SMARCA4: variants seen among roughly 807,000 people sequenced by gnomAD.
SMARCA4 encodes the protein SWI/SNF related BAF chromatin remodeling complex subunit ATPase 4, also known as SWI/SNF-related matrix-associated actin-dependent regulator of chromatin subfamily A member 4.
A neutral mutation model predicts 193.9 loss-of-function variants in SMARCA4; 31 were observed. The ratio of observed to expected loss-of-function variants is 0.16; its 90% confidence interval spans 0.12 to 0.22. The LOEUF is 0.22. Ranked by LOEUF, SMARCA4 falls within the 10% of genes least tolerant of loss-of-function variation. SMARCA4 has a pLI of 1.00. For missense variants in SMARCA4, 1,148 were observed against 2,296.0 expected (o/e 0.50, Z 10.22); for synonymous variants, 942 against 933.1 (o/e 1.01, Z -0.17).
intron 6 of SMARCA4, 64 bp from the exon 7 acceptor site, chr19:10,989,253 T>C: frequency 6.2e-7 from 1 of 1,606,018 alleles, no homozygotes; most frequent in Non-Finnish European, 8.5e-7. Context: ...CCCCTGCAGC[T>C]CCAGCTGTAA....
chr19:10,977,543 T>C (rs4804558), intron 1 of SMARCA4: 64,593 of 151,920 alleles, frequency 0.43, 13,925 homozygotes, highest in East Asian at 0.61. Context: ...AGGCTGGTGT[T>C]GAACTTCTCA....
rs549425793 is a variant in SMARCA4 at position 10,986,160 on chromosome 19, G to C, written c.356-29G>C. On this transcript the variant is annotated intron_variant, in intron 3 of 34. Coordinates refer to ENST00000344626, the MANE Select transcript of SMARCA4 (RefSeq NM_003072.5). The surrounding 1 kb of genome is among the most constrained non-coding windows in gnomAD (Gnocchi z 6.7). ...AAAAATCACAGACATATGCTGCCGAGTGACCAGTGGGCTGACCTTTCTCTG... is the reference window on the plus strand; with the variant it reads ...AAAAATCACAGACATATGCTGCCGACTGACCAGTGGGCTGACCTTTCTCTG... 127 of 1,572,002 alleles carry C rather than the reference G, an allele frequency of 8.1e-5. No homozygotes were observed. The highest frequency in any genetic ancestry group is 4.2e-4 in the Admixed American group (25 of 59,974).
intron 34 of SMARCA4, among the ~76,000 whole-genome samples, chr19:11,061,582 T>C (rs2076900780): frequency 6.6e-6 from 1 of 152,202 alleles, no homozygotes. Context: ...TTCACCGTGT[T>C]AGCCAGGATG....
At chr19:11,001,062 A>G (rs2087587153) in intron 11 of SMARCA4, among the ~76,000 whole-genome samples, 1 of 151,778 alleles carries the variant, frequency 6.6e-6, no homozygotes, top group South Asian at 2.1e-4. Flanking sequence ...TATTATTATT[A>G]CTACTATTAT....
intron 9 of SMARCA4, 25 bp downstream of exon 9, chr19:10,995,026 C>A (rs376069303): frequency 3.8e-6 from 6 of 1,586,770 alleles, no homozygotes; most frequent in Non-Finnish European, 5.2e-6. Context: ...TCTTGACGTG[C>A]GCTCTTCTAC....
intron 25 of SMARCA4, chr19:11,032,600 G>A (rs2075000309): frequency 6.6e-6 from 1 of 152,536 alleles, no homozygotes; most frequent in African/African-American, 2.4e-5. Context: ...TCGGGAGGCA[G>A]AGGTTGCAGT....
In SMARCA4 at chr19:10,987,560, G is replaced by A; in HGVS notation, c.860-106G>A. ...TGGGTGAAAGGTGGGAGATGGGCGG[G>A]GTCTGCCTGTCCCCAGTGCCTCAAG... On this transcript the variant is annotated intron_variant, in intron 5 of 34. Coordinates refer to ENST00000344626, the MANE Select transcript of SMARCA4 (RefSeq NM_003072.5). This position sits in a 1 kb window ranked among gnomAD's most constrained non-coding sequence, Gnocchi z 5.3. The A allele has an allele frequency of 7.6e-7, 1 of 1,310,340 alleles. No individual in the cohort carries two copies. The highest frequency in any genetic ancestry group is 1.2e-5 in the South Asian group (1 of 82,232). 81.2% of individuals were successfully genotyped at this position (1,310,340 alleles called of 1,614,324 possible). A position where few individuals can be genotyped will look rare whatever the true frequency, so the allele number is the denominator to read the frequency against.
chr19:11,060,292 C>T, intron 34 of SMARCA4, 105 bp downstream of exon 34: 2 of 1,381,782 alleles, frequency 1.4e-6, no homozygotes, highest in Admixed American at 2.0e-5. Context: ...CCCCACGCTG[C>T]AGGTGGGAAA....
Position 11,025,511 on chromosome 19 carries a change from G to A in SMARCA4, c.3168+3G>A, listed in dbSNP as rs866207747. ...CCTACATGTTCCAGCACATCGAGGT[G>A]AGCCCGCCGCGGCTGGGACGGCTCA... On this transcript the variant is annotated splice_donor_region_variant and intron_variant, in intron 22 of 34. Transcript: ENST00000344626. 6.2e-7 allele frequency: 1 copy of A among 1,611,814 alleles called. No homozygotes were observed. The highest frequency in any genetic ancestry group is 1.1e-5 in the South Asian group (1 of 91,038).
intron 18 of SMARCA4, 66 bp from the exon 19 acceptor site, chr19:11,021,659 A>G (rs1368080673): frequency 6.5e-7 from 1 of 1,548,986 alleles, no homozygotes; most frequent in Admixed American, 1.9e-5. Flanking sequence ...GCAGAGTGGG[A>G]GATTCTCCCC....
Position 10,985,241 on chromosome 19 carries a change from C to T in SMARCA4, c.223-32C>T, listed in dbSNP as rs1398996211. 1.2e-6 allele frequency: 2 copies of T among 1,613,478 alleles called. No individual in the cohort carries two copies. Among genetic ancestry groups the T allele is most frequent in the Non-Finnish European group, 1.7e-6 (2 of 1,179,776 alleles). Reference sequence around the variant, plus strand: ...GCGCTGCCACCTCACGTTCCACATGCTGACCCTGCCTTGCCATGGTCCCTC... The same window carrying T: ...GCGCTGCCACCTCACGTTCCACATGTTGACCCTGCCTTGCCATGGTCCCTC... On this transcript the variant is annotated intron_variant, in intron 2 of 34. Transcript: ENST00000344626. The surrounding 1 kb of genome is among the most constrained non-coding windows in gnomAD (Gnocchi z 4.5).
rs2145750154 is a variant in SMARCA4 at position 10,985,324 on chromosome 19, C to G, written c.274C>G (p.Gln92Glu). The G allele has an allele frequency of 6.2e-7, 1 of 1,614,088 alleles. No individual in the cohort carries two copies. Among genetic ancestry groups the G allele is most frequent in the Non-Finnish European group, 8.5e-7 (1 of 1,180,000 alleles). The part of the protein sequence containing the change: ...KGMSDDPRYN[Q>E]MKGMGMRSGG... ...CATGTCGGACGACCCGCGCTACAAC[C>G]AGATGAAAGGAATGGGGATGCGGTC... Residue 92 changes from glutamine to glutamate, a missense_variant, in exon 3 of 35, where the codon CAG (glutamine) becomes GAG (glutamate). Coordinates refer to ENST00000344626, the MANE Select transcript of SMARCA4 (RefSeq NM_003072.5). This position sits in a 1 kb window ranked among gnomAD's most constrained non-coding sequence, Gnocchi z 4.5.
At chr19:11,020,115 A>G (rs1225370871) in intron 18 of SMARCA4, among the ~76,000 whole-genome samples, 1 of 152,162 alleles carries the variant, frequency 6.6e-6, no homozygotes, top group African/African-American at 2.4e-5. Context: ...ATGGGCTGAG[A>G]TTCAGCATGT....
chr19:10,974,690 T>TATATATA (rs1491522292), intron 1 of SMARCA4, among the ~76,000 whole-genome samples: 64 of 18,552 alleles, frequency 3.4e-3, no homozygotes, highest in African/African-American at 0.016. Flanking sequence ...TATATATATA[T>TATATATA]TTTTTTTTTT....
At chr19:11,013,308 C>T (rs1317299212) in intron 16 of SMARCA4, among the ~76,000 whole-genome samples, 196 bp downstream of exon 16, 2 of 152,212 alleles carry the variant, frequency 1.3e-5, no homozygotes, top group Admixed American at 1.3e-4. Flanking sequence ...TGCAGGGATA[C>T]GTGCTTACAT....
At chr19:11,007,095 C>CA (rs1183195617) in intron 13 of SMARCA4, among the ~76,000 whole-genome samples, 3 of 151,052 alleles carry the variant, frequency 2.0e-5, no homozygotes, top group East Asian at 3.9e-4. Context: ...TCAACAATAA[C>CA]AAAAAAAAGG....
intron 9 of SMARCA4, 26 bp downstream of exon 9, chr19:10,995,027 G>A (rs758204692): frequency 2.4e-5 from 38 of 1,586,874 alleles, no homozygotes; most frequent in African/African-American, 6.7e-5. Flanking sequence ...CTTGACGTGC[G>A]CTCTTCTACA....
intron 11 of SMARCA4, among the ~76,000 whole-genome samples, chr19:10,997,750 AG>A (rs888528417): frequency 6.6e-6 from 1 of 152,158 alleles, no homozygotes; most frequent in Non-Finnish European, 1.5e-5. Context: ...TATAGGCATG[AG>A]CCCCCGCACC....
intron 24 of SMARCA4, among the ~76,000 whole-genome samples, chr19:11,029,388 G>C (rs2090483336): frequency 6.6e-6 from 1 of 152,258 alleles, no homozygotes; most frequent in South Asian, 2.1e-4. Flanking sequence ...AACTACAGAT[G>C]TGTCCTCTGC....
Sources: allele counts gnomAD v4.1 joint callset (sites outside exome capture counted in the v4.1 genomes callset), GRCh38; gene constraint gnomAD v4.1.1; non-coding constraint Gnocchi (gnomAD v3.1); transcripts MANE v1.5; gene names NCBI Gene and HGNC (gene_info 2026-07-23, HGNC 2026-07-21).